ERG: variants seen among roughly 807,000 people sequenced by gnomAD.
ERG encodes transcriptional regulator ERG.
Under a neutral mutation model 55.3 loss-of-function variants are expected in ERG, and 9 were observed. That is an observed-to-expected ratio of 0.16 (90% CI 0.10 to 0.28). The LOEUF is 0.28. Ranked by LOEUF, ERG falls within the 10% of genes least tolerant of loss-of-function variation. The pLI, the probability that ERG is intolerant of heterozygous loss-of-function variation, is 1.00. For synonymous variants in ERG, 223 were observed against 237.3 expected, an observed-to-expected ratio of 0.94 and a Z score of 0.55; for missense variants, 434 against 631.6, an observed-to-expected ratio of 0.69 and a Z score of 3.35.
chr21:38,643,685 C>T (rs28665372), intron 1 of ERG, among the ~76,000 whole-genome samples: 4,264 of 152,258 alleles, frequency 0.028, 87 homozygotes, highest in Non-Finnish European at 0.041. Context: ...GGGAATGCAT[C>T]GGTCTGCACC....
intron 2 of ERG, among the ~76,000 whole-genome samples, chr21:38,569,692 T>C (rs914403423): frequency 1.1e-4 from 16 of 152,224 alleles, no homozygotes; most frequent in Non-Finnish European, 2.2e-4. Flanking sequence ...CCTTATGCCT[T>C]TCCCCTAAAA....
chr21:38,377,755 A>G (rs963201828), downstream of ERG, among the ~76,000 whole-genome samples: 1 of 151,996 alleles, frequency 6.6e-6, no homozygotes, highest in African/African-American at 2.4e-5. Context: ...TCCCACGACG[A>G]CTTGGAGGTG....
intron 1 of ERG, among the ~76,000 whole-genome samples, chr21:38,450,029 T>C (rs1390439997): frequency 6.6e-6 from 1 of 151,806 alleles, no homozygotes. Flanking sequence ...AATTATTTGA[T>C]AATTATGAAA....
downstream of ERG, among the ~76,000 whole-genome samples, chr21:38,378,031 G>A (rs1215480299): frequency 6.6e-6 from 1 of 152,172 alleles, no homozygotes; most frequent in African/African-American, 2.4e-5. Flanking sequence ...CAAGCAGACT[G>A]GACTCCAATC....
At chr21:38,417,334 T>C (rs1291920360) in intron 3 of ERG, among the ~76,000 whole-genome samples, 1 of 152,196 alleles carries the variant, frequency 6.6e-6, no homozygotes, top group Non-Finnish European at 1.5e-5. Flanking sequence ...GAATTAATAA[T>C]GAAGAAAGTG....
In ERG at chr21:38,426,047, A is replaced by G. The variant is rs547120916; in HGVS notation, c.237-2486T>C. Among the ~76,000 whole-genome samples the G allele has an allele frequency of 8.5e-5, 13 of 152,348 alleles. No individual in the cohort carries two copies. In the South Asian group the frequency reaches 2.7e-3, roughly 32 times the overall value. On this transcript the variant is annotated intron_variant, in intron 2 of 9. Transcript: ENST00000288319. ...GAAGAGGGTACACTGCCATCTGCGGATGGAGGTTACAGTCAGGGTCACGCA... is the reference window on the plus strand; with the variant it reads ...GAAGAGGGTACACTGCCATCTGCGGGTGGAGGTTACAGTCAGGGTCACGCA...
chr21:38,493,460 T>C (rs183283572), intron 1 of ERG, among the ~76,000 whole-genome samples: 2 of 152,352 alleles, frequency 1.3e-5, no homozygotes, highest in African/African-American at 4.8e-5. Context: ...TGTGGTTGGT[T>C]AGGATCTGAA....
At chr21:38,653,248 A>G (rs2060498809) in intron 1 of ERG, among the ~76,000 whole-genome samples, 1 of 152,216 alleles carries the variant, frequency 6.6e-6, no homozygotes, top group African/African-American at 2.4e-5. Context: ...ATGAAGTCTT[A>G]CACAGAACAT....
intron 3 of ERG, among the ~76,000 whole-genome samples, chr21:38,420,303 C>T (rs202114433): frequency 9.4e-5 from 14 of 148,714 alleles, no homozygotes; most frequent in African/African-American, 1.5e-4. Context: ...TGTGTGTGTG[C>T]GTGTGTGTGT....
At chr21:38,441,632 A>G (rs2058841909) in intron 2 of ERG, among the ~76,000 whole-genome samples, 1 of 152,200 alleles carries the variant, frequency 6.6e-6, no homozygotes, top group Non-Finnish European at 1.5e-5. Flanking sequence ...GACGGGCATG[A>G]GCTCTGTATC....
chr21:38,642,487 C>A lies in ERG; in HGVS notation c.-150+19171G>T, dbSNP rs144718604. Reference sequence around the variant, plus strand: ...CCCACCCTAAATCCATATACACAGACCCACTCAAACTCTCACCTGCAGATT... The same window carrying A: ...CCCACCCTAAATCCATATACACAGAACCACTCAAACTCTCACCTGCAGATT... On this transcript the variant is annotated intron_variant, in intron 1 of 10. Transcript: ENST00000398910. 2.4e-3 allele frequency among the ~76,000 whole-genome samples: 358 copies of A among 152,320 alleles called. 1 individual carries two copies. Among genetic ancestry groups the A allele is most frequent in the African/African-American group, 8.1e-3 (337 of 41,570 alleles).
At chr21:38,557,578 T>C (rs2059865884) in intron 2 of ERG, among the ~76,000 whole-genome samples, 1 of 152,234 alleles carries the variant, frequency 6.6e-6, no homozygotes, top group Non-Finnish European at 1.5e-5. Context: ...AATATATGTG[T>C]ATGTTTTTTT....
intron 2 of ERG, among the ~76,000 whole-genome samples, chr21:38,559,856 T>G (rs1436867311): frequency 4.6e-5 from 7 of 152,174 alleles, no homozygotes; most frequent in African/African-American, 1.7e-4. Context: ...AATTTTTTTG[T>G]ATTTTTAGTA....
intron 1 of ERG, among the ~76,000 whole-genome samples, chr21:38,643,294 C>T (rs1375230794): frequency 1.3e-5 from 2 of 152,212 alleles, no homozygotes; most frequent in Middle Eastern, 3.4e-3. Context: ...GGAAGATTTA[C>T]GGGATGGTTT....
chr21:38,650,400 CT>C (rs2060481774), intron 1 of ERG, among the ~76,000 whole-genome samples: 1 of 151,842 alleles, frequency 6.6e-6, no homozygotes, highest in African/African-American at 2.4e-5. Flanking sequence ...CTTTGGGAGG[CT>C]GAGGCAGGAG....
At chr21:38,538,512 C>G (rs1209451885) in intron 2 of ERG, among the ~76,000 whole-genome samples, 1 of 152,070 alleles carries the variant, frequency 6.6e-6, no homozygotes. Context: ...TAGCCACTCC[C>G]TGCTTTATGA....
At chr21:38,625,010 T>C (rs2060316007) in intron 1 of ERG, among the ~76,000 whole-genome samples, 1 of 149,008 alleles carries the variant, frequency 6.7e-6, no homozygotes, top group Non-Finnish European at 1.5e-5. Flanking sequence ...ATATTAATAT[T>C]AAATTCCTGC....
In ERG at chr21:38,391,646, C is replaced by A. The variant is rs2146428716; in HGVS notation, c.871+13G>T. 6.2e-7 allele frequency: 1 copy of A among 1,607,890 alleles called. No homozygotes were observed. The highest frequency in any genetic ancestry group is 8.5e-7 in the Non-Finnish European group (1 of 1,176,214). On this transcript the variant is annotated intron_variant, in intron 8 of 9. Transcript: ENST00000288319. ...CTTCTCTTATGGTTATCCAGACGGC[C>A]CCTGAAACATACCTAACTGAGGACG... is the stretch of plus-strand genomic sequence containing the variant.
chr21:38,607,565 C>G lies in ERG; in HGVS notation c.-149-22620G>C, dbSNP rs547678648. Among the ~76,000 whole-genome samples the G allele has an allele frequency of 2.0e-5, 3 of 152,056 alleles. No individual in the cohort carries two copies. The East Asian group carries it at 5.8e-4, about 29-fold the overall frequency. On this transcript the variant is annotated intron_variant, in intron 1 of 10. Transcript: ENST00000398910. The stretch of plus-strand genomic sequence containing the variant: ...AGGAGAATGGCATGAACCCGGGAGG[C>G]TGAGCTTGCAGTGAGCCCAGATTGC...
Sources: gnomAD v4.1 joint callset for allele counts (sites outside exome capture counted in the v4.1 genomes callset) on GRCh38, gnomAD v4.1.1 for gene constraint, MANE v1.5 for transcripts, NCBI Gene and HGNC (gene_info 2026-07-23, HGNC 2026-07-21) for gene names.